The following PRMT3 variants were observed in gnomAD, a reference collection of about 807,000 sequenced individuals.
PRMT3 encodes protein arginine methyltransferase 3, also known as protein arginine N-methyltransferase 3.
A neutral mutation model predicts 71.9 loss-of-function variants in PRMT3; 62 were observed. The ratio of observed to expected loss-of-function variants is 0.86; its 90% CI spans 0.70 to 1.07. The LOEUF (loss-of-function observed/expected upper bound fraction) is 1.07, where lower values mean the gene tolerates loss of function less well. Ranked by LOEUF, PRMT3 falls within the 50% of genes least tolerant of loss-of-function variation. The pLI, the probability that PRMT3 is intolerant of heterozygous loss-of-function variation, is 0.00. For synonymous variants in PRMT3, 213 were observed against 220.4 expected (o/e 0.97, Z 0.30); for missense variants, 663 against 643.0 (o/e 1.03, Z -0.34).
chr11:20,497,332 C>T (rs2133459279), intron 15 of PRMT3, among the ~76,000 whole-genome samples: 1 of 152,270 alleles, frequency 6.6e-6, no homozygotes, highest in East Asian at 1.9e-4. Context: ...TGCCTGCTGG[C>T]ACCACCTGTG....
At chr11:20,412,785 T>C (rs1849223439) in intron 9 of PRMT3, among the ~76,000 whole-genome samples, 1 of 152,186 alleles carries the variant, frequency 6.6e-6, no homozygotes, top group Non-Finnish European at 1.5e-5. Context: ...TAACTGAATC[T>C]CCTTTGATGT....
At chr11:20,467,750 T>G (rs1235332762) in intron 13 of PRMT3, among the ~76,000 whole-genome samples, 1 of 152,222 alleles carries the variant, frequency 6.6e-6, no homozygotes, top group Admixed American at 6.5e-5. Flanking sequence ...TATACTTGTT[T>G]GGTTAAGCAT....
chr11:20,472,309 C>CAGTGGATATTG (rs1850665810), intron 13 of PRMT3, among the ~76,000 whole-genome samples: 1 of 151,968 alleles, frequency 6.6e-6, no homozygotes, highest in Admixed American at 6.6e-5. Flanking sequence ...CACCTGTTGC[C>CAGTGGATATTG]CATTCAGTGT....
At chr11:20,499,248 A>G (rs765324544) in intron 15 of PRMT3, among the ~76,000 whole-genome samples, 1 of 152,212 alleles carries the variant, frequency 6.6e-6, no homozygotes, top group Non-Finnish European at 1.5e-5. Flanking sequence ...CAGCTAATGA[A>G]TTTAAAATTA....
At chr11:20,412,024 A>T (rs7479068) in intron 9 of PRMT3, among the ~76,000 whole-genome samples, 7,126 of 152,236 alleles carry the variant, frequency 0.047, 270 homozygotes, top group East Asian at 0.2. Context: ...AAATTGAACA[A>T]GTAGATGTAT....
At chr11:20,492,098 C>T (rs1851221193) in intron 13 of PRMT3, among the ~76,000 whole-genome samples, 1 of 152,246 alleles carries the variant, frequency 6.6e-6, no homozygotes, top group South Asian at 2.1e-4. Flanking sequence ...ATGCCTTGCT[C>T]TTAAATAAAT....
intron 9 of PRMT3, among the ~76,000 whole-genome samples, chr11:20,414,087 T>G (rs969072871): frequency 1.3e-5 from 2 of 152,156 alleles, no homozygotes; most frequent in African/African-American, 4.8e-5. Flanking sequence ...AATTTTTGGC[T>G]AGGCATGGTG....
At chr11:20,409,499 G>A (rs556527324) in intron 9 of PRMT3, among the ~76,000 whole-genome samples, 37 of 152,072 alleles carry the variant, frequency 2.4e-4, no homozygotes, top group Non-Finnish European at 5.0e-4. Flanking sequence ...AAATCAGATT[G>A]GCCTATTGCC....
intron 13 of PRMT3, among the ~76,000 whole-genome samples, chr11:20,481,643 T>C (rs748154588): frequency 2.6e-5 from 4 of 152,136 alleles, no homozygotes; most frequent in African/African-American, 9.6e-5. Context: ...ATATGACTTA[T>C]CCTCTGCAGA....
chr11:20,467,506 A>G (rs1850540207), intron 13 of PRMT3, among the ~76,000 whole-genome samples: 1 of 152,246 alleles, frequency 6.6e-6, no homozygotes, highest in Non-Finnish European at 1.5e-5. Context: ...TTACAGGGGT[A>G]GAAGAAAGCA....
At chr11:20,427,493 G>A (rs565825067) in intron 10 of PRMT3, among the ~76,000 whole-genome samples, 36 of 152,288 alleles carry the variant, frequency 2.4e-4, no homozygotes, top group Non-Finnish European at 1.8e-4. Flanking sequence ...GGGAGGCTGA[G>A]GCAGGTGGAT....
At chr11:20,432,129 A>G (rs748554387) in intron 10 of PRMT3, among the ~76,000 whole-genome samples, 20 of 152,172 alleles carry the variant, frequency 1.3e-4, no homozygotes, top group Admixed American at 3.3e-4. Context: ...CTTTTATTCA[A>G]TCTTCGATAA....
At position 20,436,654 on chromosome 11, in the gene PRMT3, T is replaced by C. The variant is rs1849766836; in HGVS notation, c.993+9789T>C. Among the ~76,000 whole-genome samples, 10 of 152,196 alleles carry C rather than the reference T, an allele frequency of 6.6e-5. 1 individual carries two copies. Among genetic ancestry groups the C allele is most frequent in the Admixed American group, 6.5e-4 (10 of 15,280 alleles). ...TCCCACTTGATCATGGCAAGTGATCTTCTGATGTGCCACAAGATTTAGTTT... is the reference window on the plus strand; with the variant it reads ...TCCCACTTGATCATGGCAAGTGATCCTCTGATGTGCCACAAGATTTAGTTT... On this transcript the variant is annotated intron_variant, in intron 10 of 15. Transcript: ENST00000331079.
At chr11:20,431,307 T>G (rs1406248789) in intron 10 of PRMT3, among the ~76,000 whole-genome samples, 1 of 152,174 alleles carries the variant, frequency 6.6e-6, no homozygotes, top group East Asian at 1.9e-4. Flanking sequence ...GCATGTTACC[T>G]CTCTGTGCCT....
At chr11:20,438,692 A>C (rs1004439307) in intron 10 of PRMT3, among the ~76,000 whole-genome samples, 1 of 152,112 alleles carries the variant, frequency 6.6e-6, no homozygotes, top group African/African-American at 2.4e-5. Context: ...CCTGTGGGGC[A>C]TTACTGTTCT....
At chr11:20,493,247 GAAAA>G in intron 13 of PRMT3, among the ~76,000 whole-genome samples, 2 of 146,492 alleles carry the variant, frequency 1.4e-5, no homozygotes, top group South Asian at 4.3e-4. Flanking sequence ...ATTTTTTCAG[GAAAA>G]AAAAAATAAG....
At chr11:20,390,727 T>A (rs1486480546) in intron 3 of PRMT3, among the ~76,000 whole-genome samples, 1 of 152,222 alleles carries the variant, frequency 6.6e-6, no homozygotes, top group Non-Finnish European at 1.5e-5. Context: ...CGCCTGTGAT[T>A]CCAACACTTT....
chr11:20,473,889 TAACCTTTG>T (rs1850713521), intron 13 of PRMT3, among the ~76,000 whole-genome samples: 1 of 152,216 alleles, frequency 6.6e-6, no homozygotes, highest in African/African-American at 2.4e-5. Flanking sequence ...TTGAGGTTGT[TAACCTTTG>T]AATGGGGTTT....
chr11:20,415,624 A>G (rs1029052745), intron 9 of PRMT3, among the ~76,000 whole-genome samples: 16 of 152,116 alleles, frequency 1.1e-4, no homozygotes, highest in Admixed American at 9.8e-4. Flanking sequence ...GGAAATTTGC[A>G]TGAGTCTTAG....
Sources: gnomAD v4.1 joint callset for allele counts (sites outside exome capture counted in the v4.1 genomes callset) on GRCh38, gnomAD v4.1.1 for gene constraint, MANE v1.5 for transcripts, NCBI Gene and HGNC (gene_info 2026-07-23, HGNC 2026-07-21) for gene names.